Variants in MPZL1 observed in about 807,000 individuals in gnomAD.
MPZL1 encodes the protein myelin protein zero like 1.
In MPZL1, 16 loss-of-function variants were observed where a neutral mutation model predicts 29.3. The ratio of observed to expected loss-of-function variants is 0.55; its 90% CI spans 0.37 to 0.83. The LOEUF is 0.83. Among genes scored for constraint, MPZL1 ranks in the 40% least tolerant of loss-of-function variants. The pLI is 0.00. For missense variants in MPZL1, 279 were observed against 332.9 expected, an observed-to-expected ratio of 0.84 and a Z score of 1.26; for synonymous variants, 143 against 132.0, an observed-to-expected ratio of 1.08 and a Z score of -0.57.
chr1:167,784,449 CTTTA>C (rs1661553378), intron 5 of MPZL1, among the ~76,000 whole-genome samples: 1 of 152,098 alleles, frequency 6.6e-6, no homozygotes, highest in Admixed American at 6.5e-5. Context: ...TGTTTTCCTT[CTTTA>C]TTATACCCAA....
Position 167,722,030 on chromosome 1 carries a change from G to C in MPZL1, c.-122G>C, listed in dbSNP as rs1660038131. ...GGACCGGAGTGGGGAGCGCGGCGTG[G>C]AGGTGCCACCCGGCGCGGGTGGCGG... On this transcript the variant is annotated 5_prime_UTR_variant, in exon 1 of 6. Transcript: ENST00000359523. The C allele has an allele frequency of 7.5e-6, 9 of 1,207,406 alleles. No individual in the cohort carries two copies. The Admixed American group carries it at 3.8e-4, about 51-fold the overall frequency. 74.8% of individuals were successfully genotyped at this position (1,207,406 alleles called of 1,614,324 possible). A position where few individuals can be genotyped will look rare whatever the true frequency, so the allele number is the denominator to read the frequency against.
At chr1:167,766,113 G>A (rs1225091464) in intron 2 of MPZL1, among the ~76,000 whole-genome samples, 1 of 151,932 alleles carries the variant, frequency 6.6e-6, no homozygotes, top group African/African-American at 2.4e-5. Context: ...TGCATCTTCT[G>A]ATTTGATTAT....
chr1:167,729,114 A>C (rs1301582746), intron 1 of MPZL1, among the ~76,000 whole-genome samples: 2 of 151,910 alleles, frequency 1.3e-5, no homozygotes, highest in Non-Finnish European at 2.9e-5. Context: ...TGAAAATAAA[A>C]AAAAAATTAG....
chr1:167,761,471 G>C (rs952560318), intron 1 of MPZL1, among the ~76,000 whole-genome samples: 1 of 152,102 alleles, frequency 6.6e-6, no homozygotes, highest in Non-Finnish European at 1.5e-5. Flanking sequence ...AGCAGAATGG[G>C]CACAGATGCA....
chr1:167,752,279 A>C (rs1571149722), intron 1 of MPZL1, among the ~76,000 whole-genome samples: 1 of 152,336 alleles, frequency 6.6e-6, no homozygotes, highest in Admixed American at 6.5e-5. Flanking sequence ...TTAATTAGCT[A>C]CATATAGTCT....
In MPZL1 at chr1:167,788,653, A is replaced by T. The variant is rs543902588; in HGVS notation, c.*732A>T. On this transcript the variant is annotated 3_prime_UTR_variant, in exon 6 of 6. Coordinates refer to ENST00000359523, the MANE Select transcript of MPZL1 (RefSeq NM_003953.6). ...CTTCATTCTGGACACAGTTGGATCA[A>T]TACTGATTAAGTAGAAAATCCAAGC... 4 of 152,252 alleles carry T rather than the reference A, an allele frequency of 2.6e-5. No homozygotes were observed. Among genetic ancestry groups the T allele is most frequent in the Admixed American group, 2.6e-4 (4 of 15,290 alleles). The allele number at this position is 152,252 out of a possible 1,614,324, so 9.4% of individuals were successfully genotyped here.
chr1:167,784,673 C>G (rs906415815), intron 5 of MPZL1, among the ~76,000 whole-genome samples: 1 of 152,182 alleles, frequency 6.6e-6, no homozygotes, highest in Admixed American at 6.5e-5. Flanking sequence ...TCAGCAGACC[C>G]CAATCTCAAC....
At chr1:167,774,529 G>A (rs929852603) in intron 4 of MPZL1, 1 of 152,266 alleles carries the variant, frequency 6.6e-6, no homozygotes, top group Non-Finnish European at 1.5e-5. Flanking sequence ...CCCCTTGCAT[G>A]GTGAGTGTTT....
In MPZL1 at chr1:167,776,181, C is replaced by T. The variant is rs757264717; in HGVS notation, c.708+15C>T. On this transcript the variant is annotated intron_variant, in intron 5 of 5. Transcript: ENST00000359523. ...GATCTCACCAGGTAATGGCTGATTGCGATTCTGCCCACTGCACTGTTCCCT... is the reference window on the plus strand; with the variant it reads ...GATCTCACCAGGTAATGGCTGATTGTGATTCTGCCCACTGCACTGTTCCCT... 15 of 1,578,014 alleles carry T rather than the reference C, an allele frequency of 9.5e-6. No individual in the cohort carries two copies. The highest frequency in any genetic ancestry group is 1.7e-4 in the Middle Eastern group (1 of 6,022).
At chr1:167,729,354 G>A (rs111420701) in intron 1 of MPZL1, among the ~76,000 whole-genome samples, 1,635 of 152,192 alleles carry the variant, frequency 0.011, 12 homozygotes, top group Non-Finnish European at 0.017. Context: ...ACAATGTGGA[G>A]TTATATACAT....
At chr1:167,783,654 CTTAG>C (rs1205987360) in intron 5 of MPZL1, among the ~76,000 whole-genome samples, 1 of 152,148 alleles carries the variant, frequency 6.6e-6, no homozygotes, top group Admixed American at 6.5e-5. Flanking sequence ...GAAACTGAGG[CTTAG>C]TTAGGCAAGT....
intron 1 of MPZL1, among the ~76,000 whole-genome samples, chr1:167,749,719 C>T (rs975892932): frequency 3.3e-5 from 5 of 152,158 alleles, no homozygotes; most frequent in Non-Finnish European, 7.3e-5. Flanking sequence ...ATCTGGATAC[C>T]TTCAATAAGT....
chr1:167,722,600 C>T (rs1474405663), intron 1 of MPZL1, among the ~76,000 whole-genome samples: 1 of 152,190 alleles, frequency 6.6e-6, no homozygotes, highest in East Asian at 1.9e-4. Context: ...GACTCTGGAT[C>T]GTCTAGGCCC....
intron 1 of MPZL1, among the ~76,000 whole-genome samples, chr1:167,751,070 C>A (rs1300667406): frequency 6.6e-6 from 1 of 152,186 alleles, no homozygotes; most frequent in Non-Finnish European, 1.5e-5. Context: ...TGTTCCACTG[C>A]TGGTGATGTT....
intron 1 of MPZL1, among the ~76,000 whole-genome samples, chr1:167,757,909 G>C (rs1345435556): frequency 1.3e-5 from 2 of 152,096 alleles, no homozygotes; most frequent in Admixed American, 6.5e-5. Flanking sequence ...CAGCACTTTG[G>C]GAGGCCAAGG....
intron 1 of MPZL1, among the ~76,000 whole-genome samples, chr1:167,751,494 AC>A (rs1660756126): frequency 6.6e-6 from 1 of 152,052 alleles, no homozygotes; most frequent in Admixed American, 6.6e-5. Context: ...ACATGGTGAA[AC>A]CCCATCTCTA....
chr1:167,739,432 G>T (rs945861272), intron 1 of MPZL1, among the ~76,000 whole-genome samples: 1 of 151,396 alleles, frequency 6.6e-6, no homozygotes, highest in Non-Finnish European at 1.5e-5. Context: ...TGAATTTATT[G>T]GTGGTGTGCA....
chr1:167,735,899 G>C (rs1199037931), intron 1 of MPZL1, among the ~76,000 whole-genome samples: 1 of 151,862 alleles, frequency 6.6e-6, no homozygotes, highest in Non-Finnish European at 1.5e-5. Context: ...CTCAAATTGT[G>C]GTTTCCCATG....
intron 1 of MPZL1, among the ~76,000 whole-genome samples, chr1:167,764,155 T>A (rs1661059356): frequency 6.6e-6 from 1 of 152,252 alleles, no homozygotes. Flanking sequence ...AAGATGGGTA[T>A]TTTTAAGTTA....
Sources: allele counts gnomAD v4.1 joint callset (sites outside exome capture counted in the v4.1 genomes callset), GRCh38; gene constraint gnomAD v4.1.1; transcripts MANE v1.5; gene names NCBI Gene and HGNC (gene_info 2026-07-23, HGNC 2026-07-21).